The following TRMT1L variants were observed in gnomAD, a reference collection of about 807,000 sequenced individuals.
The protein encoded by TRMT1L is tRNA methyltransferase 1L, also known as tRNA (guanine(27)-N(2))-dimethyltransferase.
A neutral mutation model predicts 81.6 loss-of-function variants in TRMT1L; 28 were observed. That is an observed-to-expected ratio of 0.34 (90% confidence interval 0.25 to 0.47). The LOEUF (loss-of-function observed/expected upper bound fraction) is 0.47, where lower values mean the gene tolerates loss of function less well. Among genes scored for constraint, TRMT1L ranks in the 20% least tolerant of loss-of-function variants. TRMT1L has a pLI of 1.00. For synonymous variants in TRMT1L, 301 were observed against 303.2 expected, an observed-to-expected ratio of 0.99 and a Z score of 0.07; for missense variants, 739 against 877.1, an observed-to-expected ratio of 0.84 and a Z score of 1.99.
rs1652434945 is a variant in TRMT1L, at chr1:185,119,215, G to T, written c.*804C>A. ...AGGTGACAAATTTTACTTCTGAGAG[G>T]TAGTACAACCAACCAAATGAATACT... On this transcript the variant is annotated 3_prime_UTR_variant, in exon 15 of 15. Coordinates refer to ENST00000367506, the MANE Select transcript of TRMT1L (RefSeq NM_030934.5). The T allele has an allele frequency of 6.6e-6, 1 of 152,044 alleles. No homozygotes were observed. The highest frequency in any genetic ancestry group is 1.9e-4 in the East Asian group (1 of 5,170). The allele number at this position is 152,044 out of a possible 1,614,324, so 9.4% of individuals were successfully genotyped here. A position where few individuals can be genotyped will look rare whatever the true frequency, so the allele number is the denominator to read the frequency against.
At chr1:185,147,004 A>T (rs572242760) in intron 4 of TRMT1L, among the ~76,000 whole-genome samples, 178 bp downstream of exon 4, 18 of 151,232 alleles carry the variant, frequency 1.2e-4, no homozygotes, top group African/African-American at 4.4e-4. Context: ...TCAATATAAC[A>T]ATTATTTTTT....
chr1:185,134,409 AC>A (rs1652846540), intron 10 of TRMT1L, among the ~76,000 whole-genome samples: 1 of 151,842 alleles, frequency 6.6e-6, no homozygotes, highest in Non-Finnish European at 1.5e-5. Context: ...CCAGTTTCGA[AC>A]TCCTGACCTC....
intron 10 of TRMT1L, among the ~76,000 whole-genome samples, chr1:185,133,177 T>C (rs890537083): frequency 2.0e-5 from 3 of 152,198 alleles, no homozygotes; most frequent in Non-Finnish European, 4.4e-5. Context: ...AATTCCAGAG[T>C]TACCGAAGAG....
At chr1:185,142,500 T>C (rs183661969) in intron 7 of TRMT1L, among the ~76,000 whole-genome samples, 2 of 152,286 alleles carry the variant, frequency 1.3e-5, no homozygotes, top group African/African-American at 4.8e-5. Flanking sequence ...ATCTTTTCTC[T>C]ACTATTAAGT....
At chr1:185,125,486 T>C (rs1360976738) in intron 11 of TRMT1L, among the ~76,000 whole-genome samples, 3 of 152,050 alleles carry the variant, frequency 2.0e-5, no homozygotes, top group African/African-American at 4.8e-5. Context: ...TTATTTTCTA[T>C]TTGCCACTCA....
chr1:185,123,266 T>G (rs1652542997), intron 13 of TRMT1L, among the ~76,000 whole-genome samples: 1 of 148,796 alleles, frequency 6.7e-6, no homozygotes, highest in Non-Finnish European at 1.5e-5. Flanking sequence ...TCTACAGTCT[T>G]CTTTTCATCT....
intron 3 of TRMT1L, 90 bp downstream of exon 3, chr1:185,150,288 AT>A (rs1653306121): frequency 1.2e-6 from 1 of 843,598 alleles, no homozygotes; most frequent in Non-Finnish European, 1.9e-6. Flanking sequence ...AACTGAAAAT[AT>A]TTGATTATAC....
intron 13 of TRMT1L, among the ~76,000 whole-genome samples, chr1:185,121,053 T>C (rs1652488782): frequency 6.6e-6 from 1 of 152,162 alleles, no homozygotes. Context: ...GAAACTGACA[T>C]AAGGTCAATG....
intron 3 of TRMT1L, among the ~76,000 whole-genome samples, chr1:185,148,583 G>C (rs1653250110): frequency 6.6e-6 from 1 of 152,154 alleles, no homozygotes; most frequent in Non-Finnish European, 1.5e-5. Flanking sequence ...GTACATGAGA[G>C]AACCACATCC....
intron 10 of TRMT1L, among the ~76,000 whole-genome samples, chr1:185,134,744 A>G (rs1046612305): frequency 6.6e-6 from 1 of 152,242 alleles, no homozygotes; most frequent in Non-Finnish European, 1.5e-5. Context: ...TATACAGGCT[A>G]TTGGACATGC....
rs200802961 is a variant in TRMT1L at position 185,143,988 on chromosome 1, C to G, written c.697G>C (p.Asp233His). The G allele has an allele frequency of 1.7e-4, 272 of 1,609,634 alleles. No individual in the cohort carries two copies. Among genetic ancestry groups the G allele is most frequent in the Non-Finnish European group, 2.3e-4 (267 of 1,177,372 alleles). ...KPPKEILKEA[D>H]TDVQVCPNYS... ...TTGGGACAAACTTGTACATCCGTGTCTGCCTCTTTCAAAATTTCCTTAGGT... is the reference window on the plus strand; with the variant it reads ...TTGGGACAAACTTGTACATCCGTGTGTGCCTCTTTCAAAATTTCCTTAGGT... Residue 233 changes from aspartate to histidine, a missense_variant, in exon 6 of 15, where the codon GAC (aspartate) becomes CAC (histidine). By Grantham distance (81) the Asp-to-His change is moderately conservative. Transcript: ENST00000367506.
intron 10 of TRMT1L, among the ~76,000 whole-genome samples, chr1:185,134,367 CTT>C (rs1652845258): frequency 2.0e-5 from 3 of 151,960 alleles, no homozygotes; most frequent in Non-Finnish European, 2.9e-5. Flanking sequence ...AATTTTTGTA[CTT>C]TTAGTAGAGA....
intron 13 of TRMT1L, 47 bp from the exon 14 acceptor site, chr1:185,120,556 C>T (rs763622968): frequency 6.9e-7 from 1 of 1,447,430 alleles, no homozygotes; most frequent in Non-Finnish European, 9.1e-7. Flanking sequence ...AAATTACAAG[C>T]CAAATACTTT....
chr1:185,151,221 A>G (rs1411741963), intron 2 of TRMT1L, among the ~76,000 whole-genome samples: 1 of 152,056 alleles, frequency 6.6e-6, no homozygotes, highest in Non-Finnish European at 1.5e-5. Context: ...ATCATTAATA[A>G]CTCATTTAGT....
chr1:185,135,975 T>C (rs1351981001), intron 10 of TRMT1L, among the ~76,000 whole-genome samples: 7 of 152,180 alleles, frequency 4.6e-5, no homozygotes, highest in African/African-American at 1.7e-4. Context: ...AGAAAAACCA[T>C]ATAATCATCT....
chr1:185,129,501 T>G (rs1652718097), intron 10 of TRMT1L, among the ~76,000 whole-genome samples: 1 of 152,194 alleles, frequency 6.6e-6, no homozygotes, highest in African/African-American at 2.4e-5. Context: ...AACTTTTAAA[T>G]CCATTCAAGG....
intron 11 of TRMT1L, among the ~76,000 whole-genome samples, chr1:185,127,424 G>T (rs377661247): frequency 7.9e-5 from 12 of 152,238 alleles, no homozygotes; most frequent in African/African-American, 2.9e-4. Flanking sequence ...GAAGAAATTT[G>T]CAATTCTTGT....
At chr1:185,142,085 G>C (rs1412721212) in intron 7 of TRMT1L, among the ~76,000 whole-genome samples, 2 of 152,196 alleles carry the variant, frequency 1.3e-5, no homozygotes, top group African/African-American at 4.8e-5. Context: ...AGGAAAAGAA[G>C]GAGTAATAAC....
At chr1:185,126,764 G>A (rs772181344) in intron 11 of TRMT1L, among the ~76,000 whole-genome samples, 6 of 152,132 alleles carry the variant, frequency 3.9e-5, no homozygotes, top group Non-Finnish European at 8.8e-5. Flanking sequence ...CCAGCACTTC[G>A]GGAGGCCGAG....
Sources: allele counts gnomAD v4.1 joint callset (sites outside exome capture counted in the v4.1 genomes callset), GRCh38; gene constraint gnomAD v4.1.1; transcripts MANE v1.5; gene names NCBI Gene and HGNC (gene_info 2026-07-23, HGNC 2026-07-21).